Variants in PAAF1 observed in about 807,000 individuals in gnomAD.
The protein encoded by PAAF1 is proteasomal ATPase associated factor 1.
A neutral mutation model predicts 52.8 loss-of-function variants in PAAF1; 46 were observed. That is an observed-to-expected ratio of 0.87 (90% CI 0.69 to 1.11). The LOEUF (loss-of-function observed/expected upper bound fraction) is 1.11. Among genes scored for constraint, PAAF1 ranks in the 50% most tolerant of loss-of-function variants. PAAF1 has a pLI of 0.00. For synonymous variants in PAAF1, 178 were observed against 172.8 expected, an observed-to-expected ratio of 1.03 and a Z score of -0.24; for missense variants, 424 against 477.4, an observed-to-expected ratio of 0.89 and a Z score of 1.04.
chr11:73,877,398 C>T, intron 1 of PAAF1: 1 of 211,678 alleles, frequency 4.7e-6, no homozygotes, highest in Non-Finnish European at 9.4e-6. Context: ...CAGTTACTTC[C>T]AGAAGTCTCT....
chr11:73,914,407 A>G lies in PAAF1; in HGVS notation c.728-6A>G. 6.2e-7 allele frequency: 1 copy of G among 1,613,698 alleles called. No homozygotes were observed. Among genetic ancestry groups the G allele is most frequent in the Non-Finnish European group, 8.5e-7 (1 of 1,179,686 alleles). ...CTGTTATTAACATAGTTTATTTGTC[A>G]TGCAGGTGAACGGGAGGTTGGAACA... On this transcript the variant is annotated splice_polypyrimidine_tract_variant and splice_region_variant and intron_variant, in intron 7 of 11. Coordinates refer to ENST00000310571, the MANE Select transcript of PAAF1 (RefSeq NM_025155.3).
chr11:73,917,015 T>G (rs1439481833), intron 9 of PAAF1, among the ~76,000 whole-genome samples: 1 of 152,098 alleles, frequency 6.6e-6, no homozygotes, highest in African/African-American at 2.4e-5. Flanking sequence ...GATTGAATTA[T>G]TTTTATTTAT....
At chr11:73,898,774 A>G (rs992617308) in intron 4 of PAAF1, among the ~76,000 whole-genome samples, 1 of 152,200 alleles carries the variant, frequency 6.6e-6, no homozygotes, top group Non-Finnish European at 1.5e-5. Context: ...AGATGGGGAC[A>G]TTGCACTCCA....
At chr11:73,922,266 C>T in intron 10 of PAAF1, 2 of 569,414 alleles carry the variant, frequency 3.5e-6, no homozygotes, top group Non-Finnish European at 6.7e-6. Flanking sequence ...GGGAAGAAGG[C>T]AAGGCATAAC....
intron 3 of PAAF1, among the ~76,000 whole-genome samples, chr11:73,890,459 G>A (rs1028289027): frequency 6.6e-6 from 1 of 152,124 alleles, no homozygotes; most frequent in Non-Finnish European, 1.5e-5. Flanking sequence ...AACACATGGG[G>A]CATCAAAATA....
Position 73,929,280 on chromosome 11 carries a change from TCAAG to T in PAAF1, c.*1919_*1922del, listed in dbSNP as rs1950424367. On this transcript the variant is annotated 3_prime_UTR_variant, in exon 12 of 12. Coordinates refer to ENST00000310571, the MANE Select transcript of PAAF1 (RefSeq NM_025155.3). ...CCAGGCTGGTCTCAAACTCCTGAAC[TCAAG>T]TATTCCTCCCACCTTGGCCTCTCAT... 1 of 152,104 alleles carries T rather than the reference TCAAG, an allele frequency of 6.6e-6. No individual in the cohort carries two copies. The highest frequency in any genetic ancestry group is 1.5e-5 in the Non-Finnish European group (1 of 68,052). The allele number at this position is 152,104 out of a possible 1,614,324, so 9.4% of individuals were successfully genotyped here.
chr11:73,882,318 T>G (rs1157184675), intron 2 of PAAF1, among the ~76,000 whole-genome samples: 69 of 151,406 alleles, frequency 4.6e-4, no homozygotes, highest in African/African-American at 1.6e-3. Flanking sequence ...GCACTTTTTT[T>G]TTTTTTTTTT....
intron 2 of PAAF1, 48 bp from the exon 3 acceptor site, chr11:73,887,306 A>G (rs760835804): frequency 2.1e-6 from 3 of 1,426,640 alleles, no homozygotes; most frequent in South Asian, 1.2e-5. Flanking sequence ...AGAGAAAAAT[A>G]ATAAATTTTT....
At chr11:73,919,279 C>T (rs918592239) in intron 10 of PAAF1, among the ~76,000 whole-genome samples, 3 of 152,164 alleles carry the variant, frequency 2.0e-5, no homozygotes, top group Non-Finnish European at 1.5e-5. Flanking sequence ...TCAATGCCCA[C>T]CACTCTTCTG....
chr11:73,903,281 C>T (rs200805659), intron 6 of PAAF1, among the ~76,000 whole-genome samples: 24 of 152,264 alleles, frequency 1.6e-4, no homozygotes, highest in East Asian at 9.6e-4. Flanking sequence ...TCTTCCACAG[C>T]GTGGCAAAAA....
intron 1 of PAAF1, 138 bp from the exon 2 acceptor site, chr11:73,878,641 T>C (rs1459834733): frequency 3.1e-6 from 2 of 639,018 alleles, no homozygotes; most frequent in Admixed American, 2.7e-5. Flanking sequence ...TGATCTATAC[T>C]CGATGAGAGG....
intron 4 of PAAF1, among the ~76,000 whole-genome samples, chr11:73,898,550 C>T (rs917993058): frequency 4.6e-5 from 7 of 152,002 alleles, no homozygotes; most frequent in South Asian, 2.1e-4. Flanking sequence ...GGGCTGGGCA[C>T]GGTGGCCTAT....
At chr11:73,886,542 C>T (rs559889605) in intron 2 of PAAF1, among the ~76,000 whole-genome samples, 9 of 151,772 alleles carry the variant, frequency 5.9e-5, no homozygotes, top group East Asian at 1.9e-4. Context: ...GACATGGTGG[C>T]GGGTGCCTGT....
chr11:73,921,678 C>A, intron 10 of PAAF1: 1 of 797,442 alleles, frequency 1.3e-6, no homozygotes, highest in South Asian at 1.3e-5. Flanking sequence ...TCTTGAAAGA[C>A]TCTAGCATGA....
chr11:73,909,693 G>T (rs1399154689), intron 7 of PAAF1, 100 bp downstream of exon 7: 5 of 1,065,170 alleles, frequency 4.7e-6, no homozygotes, highest in Non-Finnish European at 1.4e-6. Flanking sequence ...TCTGCTCTGT[G>T]CCTGGTATTT....
At chr11:73,899,365 T>C (rs1013891959) in intron 5 of PAAF1, 121 bp downstream of exon 5, 2 of 632,006 alleles carry the variant, frequency 3.2e-6, no homozygotes, top group South Asian at 4.2e-5. Context: ...TGCATGTCAG[T>C]TGATCTCTTT....
At position 73,909,452 on chromosome 11, in the gene PAAF1, C is replaced by CGA. The variant is rs1230802093; in HGVS notation, c.589_590dup (p.Asp197GlufsTer38). ...GGGGAGGAATGTGGTGTCTGCTTCTCGAGATGGGACAGCACGACTTTGGGA... is the reference window on the plus strand; with the variant it reads ...GGGGAGGAATGTGGTGTCTGCTTCTCGAGAGATGGGACAGCACGACTTTGGGA... On this transcript the variant is annotated frameshift_variant, in exon 7 of 12. Coordinates refer to ENST00000310571, the MANE Select transcript of PAAF1 (RefSeq NM_025155.3). LOFTEE classifies it high-confidence loss of function. The CGA allele has an allele frequency of 3.1e-6, 5 of 1,613,944 alleles. No individual in the cohort carries two copies. In the Admixed American group the frequency reaches 8.3e-5, roughly 27 times the overall value.
intron 2 of PAAF1, 57 bp downstream of exon 2, chr11:73,878,876 A>G: frequency 6.6e-7 from 1 of 1,521,088 alleles, no homozygotes; most frequent in East Asian, 2.3e-5. Context: ...TAATACCCTT[A>G]AAAGAAAGCT....
rs986974929 is a variant in PAAF1, at chr11:73,930,155, G to C, written c.*2793G>C. 4.6e-5 allele frequency: 7 copies of C among 152,220 alleles called. No homozygotes were observed. The highest frequency in any genetic ancestry group is 1.7e-4 in the African/African-American group (7 of 41,368). The allele number at this position is 152,220 out of a possible 1,614,324, so 9.4% of individuals were successfully genotyped here. On this transcript the variant is annotated 3_prime_UTR_variant, in exon 12 of 12. Coordinates refer to ENST00000310571, the MANE Select transcript of PAAF1 (RefSeq NM_025155.3). ...GGAGGCCGAGGCGGGCGGATCACAA[G>C]GTAAGGAGATTGAGACCATCCTGGC...
Sources: gnomAD v4.1 joint callset for allele counts (sites outside exome capture counted in the v4.1 genomes callset) on GRCh38, gnomAD v4.1.1 for gene constraint, MANE v1.5 for transcripts, NCBI Gene and HGNC (gene_info 2026-07-23, HGNC 2026-07-21) for gene names.